The following ZNF608 variants were observed in gnomAD, a reference collection of about 807,000 sequenced individuals.
ZNF608 encodes the protein zinc finger protein 608, also known as renal carcinoma antigen NY-REN-36.
In ZNF608, 12 loss-of-function variants were observed where a neutral mutation model predicts 109.0. The ratio of observed to expected loss-of-function variants is 0.11; its 90% CI spans 0.07 to 0.18. ZNF608 has a LOEUF of 0.18. ZNF608 is among the 10% of genes least tolerant of loss of function. The pLI is 1.00. For missense variants in ZNF608, 1,707 were observed against 1,879.3 expected (o/e 0.91, Z 1.70); for synonymous variants, 732 against 717.4 (o/e 1.02, Z -0.33).
chr5:124,690,954 C>CACAAAA (rs10666145), intron 3 of ZNF608, among the ~76,000 whole-genome samples: 8 of 150,840 alleles, frequency 5.3e-5, no homozygotes, highest in Non-Finnish European at 1.0e-4. Flanking sequence ...CACACACACA[C>CACAAAA]ATAATGGAAA....
At chr5:124,747,505 A>C (rs1248043203), upstream of ZNF608, among the ~76,000 whole-genome samples, 5 of 151,752 alleles carry the variant, frequency 3.3e-5, no homozygotes, top group African/African-American at 1.2e-4. Context: ...CGTGAGGATC[A>C]AGGGCTCAAT....
At chr5:124,724,763 G>A (rs961401023) in intron 2 of ZNF608, among the ~76,000 whole-genome samples, 17 of 152,120 alleles carry the variant, frequency 1.1e-4, no homozygotes, top group African/African-American at 4.1e-4. Flanking sequence ...TCTTGCATGT[G>A]AAATCAGTTA....
At chr5:124,685,260 T>C (rs1752361912) in intron 3 of ZNF608, among the ~76,000 whole-genome samples, 1 of 152,186 alleles carries the variant, frequency 6.6e-6, no homozygotes, top group South Asian at 2.1e-4. Context: ...TCAATCTTAT[T>C]ATGCCTACCA....
chr5:124,644,219 T>G (rs760841243), intron 6 of ZNF608, 25 bp downstream of exon 6: 6 of 1,560,938 alleles, frequency 3.8e-6, no homozygotes, highest in Non-Finnish European at 5.2e-6. Context: ...TTTCCTCCAA[T>G]ATAGTCAGAA....
intron 3 of ZNF608, among the ~76,000 whole-genome samples, chr5:124,656,197 G>A (rs922957910): frequency 2.0e-5 from 3 of 152,228 alleles, no homozygotes; most frequent in African/African-American, 7.2e-5. Context: ...TTGGGAGATA[G>A]GGCAGTACTA....
rs200960773 is a variant in ZNF608 at position 124,744,362 on chromosome 5, A to G, written c.628T>C (p.Ser210Pro). Residue 210 changes from serine (S) to proline (P), a missense_variant, in exon 2 of 10, where the codon TCC becomes CCC. By Grantham distance (74) the Ser-to-Pro change is moderately conservative. Transcript: ENST00000513986. The surrounding 1 kb of genome is among the most constrained non-coding windows in gnomAD (Gnocchi z 4.5). ...AGCAGGTCGTGCTTGTCCTTCCTGG[A>G]TTTCCCCGCATCCTTATCCCGCTTG... ...GAKRDKDAGK[S>P]RKDKHDLLQG... The G allele has an allele frequency of 5.4e-5, 87 of 1,614,000 alleles. No individual in the cohort carries two copies. The highest frequency in any genetic ancestry group is 7.0e-5 in the Non-Finnish European group (83 of 1,180,034).
At chr5:124,742,696 A>C (rs1352010376) in intron 2 of ZNF608, among the ~76,000 whole-genome samples, 1 of 152,156 alleles carries the variant, frequency 6.6e-6, no homozygotes, top group Non-Finnish European at 1.5e-5. Context: ...CATTATCTAC[A>C]CCTTAATGTG....
intron 3 of ZNF608, among the ~76,000 whole-genome samples, chr5:124,678,235 T>C (rs1213313644): frequency 6.6e-6 from 1 of 152,156 alleles, no homozygotes; most frequent in Non-Finnish European, 1.5e-5. Context: ...AATGAAGCAA[T>C]TCCTAGAATG....
chr5:124,737,874 T>C (rs569990078), intron 2 of ZNF608, among the ~76,000 whole-genome samples: 62 of 152,180 alleles, frequency 4.1e-4, no homozygotes, highest in Admixed American at 7.2e-4. Flanking sequence ...TTTGTTCCCA[T>C]TGCCAAAACC....
intron 3 of ZNF608, among the ~76,000 whole-genome samples, chr5:124,692,550 C>T (rs145084634): frequency 6.6e-6 from 1 of 152,322 alleles, no homozygotes; most frequent in Non-Finnish European, 1.5e-5. Context: ...TCCTATCATT[C>T]CATGTTTAAA....
intron 2 of ZNF608, among the ~76,000 whole-genome samples, chr5:124,715,560 G>GAT (rs1164150923): frequency 1.3e-5 from 2 of 152,072 alleles, no homozygotes; most frequent in African/African-American, 4.8e-5. Context: ...TTTGAATCAT[G>GAT]ATTTAAATCA....
intron 2 of ZNF608, among the ~76,000 whole-genome samples, chr5:124,730,238 A>G (rs1007640953): frequency 2.0e-5 from 3 of 152,228 alleles, no homozygotes; most frequent in African/African-American, 7.2e-5. Flanking sequence ...ATTTGAATAC[A>G]TAGGGCATTT....
In ZNF608 at chr5:124,744,648, A is replaced by C; in HGVS notation, c.342T>G (p.Asp114Glu). 6.2e-7 allele frequency: 1 copy of C among 1,614,170 alleles called. No homozygotes were observed. Among genetic ancestry groups the C allele is most frequent in the Non-Finnish European group, 8.5e-7 (1 of 1,180,022 alleles). ...SKVKRSKTSK[D>E]ANKSLPSAAL... Reference sequence around the variant, plus strand: ...CAGCAGAAGGCAGAGATTTATTAGCATCCTTAGAAGTTTTACTCCTTTTCA... The same window carrying C: ...CAGCAGAAGGCAGAGATTTATTAGCCTCCTTAGAAGTTTTACTCCTTTTCA... The change falls in exon 2 of 10, where the codon GAT becomes GAG. Residue 114 changes from aspartate to glutamate, a missense_variant. By Grantham distance (45) the Asp-to-Glu change is conservative. Transcript: ENST00000513986. The surrounding 1 kb of genome is among the most constrained non-coding windows in gnomAD (Gnocchi z 4.5).
chr5:124,646,938 G>A lies in ZNF608; in HGVS notation c.3446C>T (p.Pro1149Leu), dbSNP rs1561532268. ...GGGAGCTTTTGAGATTGTGGCCGAT[G>A]GCATATTTTTCTGTTTAGTTTCCTC... ...GKEETKQKNM[P>L]SATISKAPST... The change falls in exon 5 of 10, where the codon CCA (proline) becomes CTA (leucine). Residue 1149 changes from proline (P) to leucine (L), a missense_variant. Pro to Leu is a moderately conservative substitution (Grantham distance 98). This residue lies in a region of ZNF608 where 1,073 missense variants were observed against 1,133.5 expected (regional missense o/e 0.95). Transcript: ENST00000513986. The A allele has an allele frequency of 1.2e-6, 2 of 1,613,920 alleles. No individual in the cohort carries two copies. The highest frequency in any genetic ancestry group is 1.7e-6 in the Non-Finnish European group (2 of 1,179,970).
At position 124,647,542 on chromosome 5, in the gene ZNF608, C is replaced by T. The variant is rs368123240; in HGVS notation, c.2842G>A (p.Asp948Asn). 26 of 1,614,108 alleles carry T rather than the reference C, an allele frequency of 1.6e-5. No individual in the cohort carries two copies. The East Asian group carries it at 1.8e-4, about 11-fold the overall frequency. Residue 948 changes from aspartate to asparagine, a missense_variant, in exon 5 of 10, where the codon GAT (aspartate) becomes AAT (asparagine). Around this residue, in one of 7 missense-constraint regions of ZNF608, gnomAD observed 1,073 missense variants for 1,133.5 expected, o/e 0.95. Coordinates refer to ENST00000513986, the MANE Select transcript of ZNF608 (RefSeq NM_020747.3). The stretch of plus-strand genomic sequence containing the variant: ...TCCGACCTGCTGTCAGAACCACCAT[C>T]GTCAGCAGCATCAGATATGTCTGAA... ...AYSDISDAAD[D>N]GGSDSRSEGM...
chr5:124,650,552 C>A (rs1297719307), intron 3 of ZNF608, among the ~76,000 whole-genome samples: 1 of 152,230 alleles, frequency 6.6e-6, no homozygotes, highest in Non-Finnish European at 1.5e-5. Context: ...AGCACTGCAT[C>A]TGTGAATTAC....
At chr5:124,706,765 G>T (rs577072172) in intron 2 of ZNF608, among the ~76,000 whole-genome samples, 2 of 152,312 alleles carry the variant, frequency 1.3e-5, no homozygotes, top group Middle Eastern at 3.4e-3. Context: ...AACAGCTGGT[G>T]GTGGCAGCCT....
At chr5:124,643,727 C>CCTG (rs1303839011) in intron 6 of ZNF608, 44 bp from the exon 7 acceptor site, 1 of 1,587,276 alleles carries the variant, frequency 6.3e-7, no homozygotes. Context: ...CAGGCTATAT[C>CCTG]TTTAAAAAAA....
At position 124,644,549 on chromosome 5, in the gene ZNF608, T is replaced by C; in HGVS notation, c.3818A>G (p.Lys1273Arg). 6.2e-7 allele frequency: 1 copy of C among 1,614,166 alleles called. No homozygotes were observed. The highest frequency in any genetic ancestry group is 8.5e-7 in the Non-Finnish European group (1 of 1,180,012). ...CACACCACTCTCTTTATTAGGAGTT[T>C]TCCTCGGACTATCCTCTTTTAATTT... ...EKKLKEDSPR[K>R]TPNKESGVPS... The change falls in exon 6 of 10, where the codon AAA becomes AGA. Residue 1273 changes from lysine to arginine, a missense_variant. By Grantham distance (26) the Lys-to-Arg change is conservative (BLOSUM62 2). Transcript: ENST00000513986.
Sources: gnomAD v4.1 joint callset for allele counts (sites outside exome capture counted in the v4.1 genomes callset) on GRCh38, gnomAD v4.1.1 for gene constraint, gnomAD v4.1.1 regional missense constraint, Gnocchi (gnomAD v3.1) non-coding constraint, MANE v1.5 for transcripts, NCBI Gene and HGNC (gene_info 2026-07-23, HGNC 2026-07-21) for gene names.